Variants in SLC9A9 observed in about 807,000 individuals in gnomAD.
SLC9A9 encodes the protein solute carrier family 9 member A9, also known as sodium/hydrogen exchanger 9.
Under a neutral mutation model 77.8 loss-of-function variants are expected in SLC9A9, and 62 were observed. That is an observed-to-expected ratio of 0.80 (90% CI 0.65 to 0.98). The LOEUF is 0.98. Among genes scored for constraint, SLC9A9 ranks in the 50% least tolerant of loss-of-function variants. SLC9A9 has a pLI of 0.00. For missense variants in SLC9A9, 775 were observed against 774.9 expected, an observed-to-expected ratio of 1.00 and a Z score of 0.00; for synonymous variants, 320 against 283.5, an observed-to-expected ratio of 1.13 and a Z score of -1.29.
At chr3:143,317,687 C>A (rs2031263025) in intron 14 of SLC9A9, among the ~76,000 whole-genome samples, 1 of 39,694 alleles carries the variant, frequency 2.5e-5, no homozygotes, top group African/African-American at 1.7e-4. Flanking sequence ...TTCTATGTTC[C>A]ATTTTCCTTA....
intron 8 of SLC9A9, among the ~76,000 whole-genome samples, chr3:143,565,297 T>C (rs1392209872): frequency 2.6e-5 from 4 of 152,210 alleles, no homozygotes; most frequent in African/African-American, 9.6e-5. Flanking sequence ...CTCATTTTTC[T>C]TCTGCATCCA....
intron 11 of SLC9A9, among the ~76,000 whole-genome samples, chr3:143,480,696 A>G (rs1014600080): frequency 2.6e-5 from 4 of 152,166 alleles, no homozygotes; most frequent in Admixed American, 6.5e-5. Flanking sequence ...TTAAATGGAG[A>G]AAGTCCTGAC....
chr3:143,430,238 G>A (rs888604846), intron 12 of SLC9A9, among the ~76,000 whole-genome samples: 1 of 152,212 alleles, frequency 6.6e-6, no homozygotes, highest in African/African-American at 2.4e-5. Flanking sequence ...GTCAAGCTTT[G>A]CTGACTCCCA....
rs200928461 is a variant in SLC9A9 at position 143,594,752 on chromosome 3, TA to T, written c.756-16030del. On this transcript the variant is annotated intron_variant, in intron 6 of 15. Transcript: ENST00000316549. ...ATTTTCTTGGCTCTTTATTTAATAT[TA>T]AACCAGAAAAAAAAAATGTGGCCCC... Among the ~76,000 whole-genome samples, 538 of 148,740 alleles carry T rather than the reference TA, an allele frequency of 3.6e-3. 3 individuals are homozygous for T. The highest frequency in any genetic ancestry group is 0.013 in the African/African-American group (504 of 38,678).
At chr3:143,274,657 G>A (rs929917906) in intron 14 of SLC9A9, among the ~76,000 whole-genome samples, 6 of 152,156 alleles carry the variant, frequency 3.9e-5, no homozygotes, top group South Asian at 2.1e-4. Context: ...GATCTCATGA[G>A]TTCTTATGGA....
chr3:143,482,203 A>G (rs900910892), intron 11 of SLC9A9, among the ~76,000 whole-genome samples: 4 of 152,100 alleles, frequency 2.6e-5, no homozygotes, highest in African/African-American at 9.7e-5. Context: ...AATTTTCTTA[A>G]AGTTTGTCTT....
At position 143,355,033 on chromosome 3, in the gene SLC9A9, G is replaced by A. The variant is rs1044902112; in HGVS notation, c.1604+8451C>T. On this transcript the variant is annotated intron_variant, in intron 14 of 15. Transcript: ENST00000316549. ...TTTCCAGAAAAATAACTGAGATGAT[G>A]GACTATAAGTTAGAAAAGTCATAAG... 2.6e-5 allele frequency among the ~76,000 whole-genome samples: 4 copies of A among 152,146 alleles called. No individual in the cohort carries two copies. The East Asian group carries it at 5.8e-4, about 22-fold the overall frequency.
intron 6 of SLC9A9, chr3:143,620,694 G>A (rs138646378): frequency 0.014 from 2,086 of 152,842 alleles, 42 homozygotes; most frequent in African/African-American, 0.047. Flanking sequence ...CGTGAGTGAC[G>A]CAGAAGATGG....
intron 8 of SLC9A9, among the ~76,000 whole-genome samples, chr3:143,573,218 A>C (rs2037297336): frequency 6.6e-6 from 1 of 152,156 alleles, no homozygotes; most frequent in African/African-American, 2.4e-5. Flanking sequence ...ACCTATTAAA[A>C]TGCAAACACC....
chr3:143,590,958 C>T (rs948770976), intron 6 of SLC9A9, among the ~76,000 whole-genome samples: 2 of 152,172 alleles, frequency 1.3e-5, no homozygotes, highest in African/African-American at 4.8e-5. Flanking sequence ...TGATGAGTGG[C>T]TGAATAAAAT....
chr3:143,637,066 C>A (rs1249697521), intron 6 of SLC9A9, among the ~76,000 whole-genome samples: 1 of 152,146 alleles, frequency 6.6e-6, no homozygotes, highest in Non-Finnish European at 1.5e-5. Flanking sequence ...AATTCTGTCA[C>A]CATGAAAAAA....
At chr3:143,803,804 C>G (rs143322317) in intron 2 of SLC9A9, among the ~76,000 whole-genome samples, 3 of 152,128 alleles carry the variant, frequency 2.0e-5, no homozygotes, top group African/African-American at 7.2e-5. Flanking sequence ...CAGCTGTCCC[C>G]GCCTTACATA....
intron 12 of SLC9A9, among the ~76,000 whole-genome samples, chr3:143,423,429 G>C (rs1216804808): frequency 1.3e-5 from 2 of 152,128 alleles, no homozygotes; most frequent in Non-Finnish European, 2.9e-5. Context: ...TCCAAGGTCT[G>C]GAGCAAGTAA....
intron 12 of SLC9A9, among the ~76,000 whole-genome samples, chr3:143,409,306 G>A (rs973150915): frequency 3.9e-5 from 6 of 152,270 alleles, no homozygotes; most frequent in East Asian, 1.9e-4. Context: ...TGAGACAATC[G>A]TTTTTGGGAT....
At chr3:143,611,627 C>G (rs965045477) in intron 6 of SLC9A9, among the ~76,000 whole-genome samples, 23 of 152,054 alleles carry the variant, frequency 1.5e-4, no homozygotes, top group Non-Finnish European at 4.4e-5. Context: ...TTAATTACAG[C>G]CTGGGAGCCT....
intron 9 of SLC9A9, among the ~76,000 whole-genome samples, chr3:143,529,591 A>T (rs2036469272): frequency 6.6e-6 from 1 of 152,200 alleles, no homozygotes; most frequent in Non-Finnish European, 1.5e-5. Context: ...AAACTTGAGA[A>T]GAACTGTAAC....
intron 11 of SLC9A9, among the ~76,000 whole-genome samples, chr3:143,481,142 G>C (rs977276400): frequency 1.3e-5 from 2 of 152,156 alleles, no homozygotes; most frequent in Non-Finnish European, 1.5e-5. Flanking sequence ...CTTAGGTGTA[G>C]AGATAAGCAT....
At chr3:143,609,884 T>C (rs568736684) in intron 6 of SLC9A9, among the ~76,000 whole-genome samples, 1 of 151,190 alleles carries the variant, frequency 6.6e-6, no homozygotes, top group East Asian at 1.9e-4. Flanking sequence ...TTGCTTTTAA[T>C]TTTTTGTTTT....
At chr3:143,292,801 G>A (rs1440173948) in intron 14 of SLC9A9, among the ~76,000 whole-genome samples, 10 of 152,114 alleles carry the variant, frequency 6.6e-5, no homozygotes, top group Non-Finnish European at 1.5e-4. Flanking sequence ...GGACCTTGGT[G>A]CCTTTTGGAC....
Sources: gnomAD v4.1 joint callset for allele counts (sites outside exome capture counted in the v4.1 genomes callset) on GRCh38, gnomAD v4.1.1 for gene constraint, MANE v1.5 for transcripts, NCBI Gene and HGNC (gene_info 2026-07-23, HGNC 2026-07-21) for gene names.